Variants in SLC27A1 observed in about 807,000 individuals in gnomAD.
SLC27A1 encodes the protein long-chain fatty acid transport protein 1.
In SLC27A1, 61 loss-of-function variants were observed where a neutral mutation model predicts 62.2. The ratio of observed to expected loss-of-function variants is 0.98; its 90% CI spans 0.80 to 1.21. The LOEUF (loss-of-function observed/expected upper bound fraction) is 1.21. Ranked by LOEUF, SLC27A1 falls within the 50% of genes most tolerant of loss-of-function variation. The pLI, the probability that SLC27A1 is intolerant of heterozygous loss-of-function variation, is 0.00. For missense variants in SLC27A1, 903 were observed against 932.1 expected, an observed-to-expected ratio of 0.97 and a Z score of 0.41; for synonymous variants, 435 against 408.6, an observed-to-expected ratio of 1.06 and a Z score of -0.78.
At chr19:17,471,646 G>C (rs565232686) in intron 1 of SLC27A1, among the ~76,000 whole-genome samples, 1 of 152,160 alleles carries the variant, frequency 6.6e-6, no homozygotes, top group Non-Finnish European at 1.5e-5. Flanking sequence ...ACAGCTCCTT[G>C]TAAGATGGAG....
At chr19:17,480,541 C>CTTTT (rs3079223) in intron 1 of SLC27A1, among the ~76,000 whole-genome samples, 31,368 of 111,618 alleles carry the variant, frequency 0.28, 6,124 homozygotes, top group African/African-American at 0.37. Context: ...TAATTTTTTT[C>CTTTT]TTTTTTTTTT....
upstream of SLC27A1, among the ~76,000 whole-genome samples, chr19:17,469,724 G>A (rs1218781012): frequency 6.6e-6 from 1 of 151,652 alleles, no homozygotes; most frequent in South Asian, 2.1e-4. Context: ...CGGGGCCTAG[G>A]TCCTAGGGGG....
At chr19:17,483,041 GGAAT>G (rs769984129) in intron 1 of SLC27A1, among the ~76,000 whole-genome samples, 6 of 145,602 alleles carry the variant, frequency 4.1e-5, no homozygotes, top group Middle Eastern at 3.2e-3. Context: ...AGTGAAGGAG[GGAAT>G]GAATGAGGGA....
At chr19:17,504,078 G>C (rs183364043) in intron 11 of SLC27A1, among the ~76,000 whole-genome samples, 1 of 151,502 alleles carries the variant, frequency 6.6e-6, no homozygotes, top group Admixed American at 6.6e-5. Flanking sequence ...AGCCATTATT[G>C]TGCCCGGCCC....
intron 1 of SLC27A1, among the ~76,000 whole-genome samples, chr19:17,480,934 T>C (rs2075171524): frequency 6.6e-6 from 1 of 152,022 alleles, no homozygotes; most frequent in Admixed American, 6.6e-5. Flanking sequence ...ATTTCTTTTT[T>C]TTTTTTTTGA....
At chr19:17,479,904 A>C (rs539689719) in intron 1 of SLC27A1, among the ~76,000 whole-genome samples, 2 of 152,226 alleles carry the variant, frequency 1.3e-5, no homozygotes, top group Admixed American at 1.3e-4. Context: ...TTGGCCTCAC[A>C]AAGTGCTGGG....
chr19:17,488,826 C>T (rs2075264272), intron 4 of SLC27A1, 22 bp from the exon 5 acceptor site: 1 of 1,608,908 alleles, frequency 6.2e-7, no homozygotes, highest in South Asian at 1.1e-5. Context: ...CTCTGCCCTC[C>T]CGGCTCCCCC....
At chr19:17,470,760 G>C in intron 1 of SLC27A1, 53 bp downstream of exon 1, 2 of 1,504,218 alleles carry the variant, frequency 1.3e-6, no homozygotes, top group South Asian at 1.3e-5. Context: ...AGGGCTCTGG[G>C]GGCGCACGGT....
rs754485535 is a variant in SLC27A1, at chr19:17,500,370, G to T, written c.1299G>T (p.Arg433=). Residue 433 remains arginine, a synonymous_variant, in exon 8 of 12, where the codon CGG becomes CGT. Transcript: ENST00000252595. ...KVNEDTMELL[R]DAQGLCIPCQ... is the part of the protein sequence containing the mutation. ...ATGAGGACACAATGGAGCTGCTGCG[G>T]GATGCCCAGGGCCTCTGCATCCCCT... is the stretch of plus-strand genomic sequence containing the variant. 1.6e-5 allele frequency: 26 copies of T among 1,614,046 alleles called. No individual in the cohort carries two copies. The highest frequency in any genetic ancestry group is 2.1e-5 in the Non-Finnish European group (25 of 1,180,016).
intron 1 of SLC27A1, among the ~76,000 whole-genome samples, chr19:17,476,168 C>A (rs2075119803): frequency 6.6e-6 from 1 of 152,096 alleles, no homozygotes; most frequent in Non-Finnish European, 1.5e-5. Flanking sequence ...AACATTTGTA[C>A]CCCATCATGG....
intron 7 of SLC27A1, chr19:17,499,196 T>G (rs2075382134): frequency 5.0e-6 from 1 of 199,654 alleles, no homozygotes; most frequent in Non-Finnish European, 1.0e-5. Context: ...TAGACTAGAC[T>G]TCCCAGACGC....
At chr19:17,481,573 G>A (rs753545737) in intron 1 of SLC27A1, among the ~76,000 whole-genome samples, 3 of 152,118 alleles carry the variant, frequency 2.0e-5, no homozygotes, top group Admixed American at 6.6e-5. Flanking sequence ...ACACAATCTC[G>A]GTTCACTGCA....
Position 17,494,242 on chromosome 19 carries a change from C to T in SLC27A1, c.997-3013C>T, listed in dbSNP as rs1438776342. 4.0e-5 allele frequency among the ~76,000 whole-genome samples: 6 copies of T among 151,808 alleles called. No individual in the cohort carries two copies. In the East Asian group the frequency reaches 7.8e-4, roughly 20 times the overall value. ...GTTTCACGGTGTTAGCCAGGATGGT[C>T]TCGATCTCCTGACCTCATGATCTGC... On this transcript the variant is annotated intron_variant, in intron 6 of 11. Transcript: ENST00000252595.
rs149564729 is a variant in SLC27A1 at position 17,484,958 on chromosome 19, G to T, written c.168-1605G>T. ...GGCAGGTGGGTGGAGCCCCTGCCCT[G>T]TGTTGGTCAGGGCTGGGCAGGGCCA... On this transcript the variant is annotated intron_variant, in intron 1 of 11. Transcript: ENST00000252595. 3.1e-3 allele frequency among the ~76,000 whole-genome samples: 470 copies of T among 152,262 alleles called. 4 individuals carry two copies. The highest frequency in any genetic ancestry group is 0.011 in the African/African-American group (447 of 41,562).
In SLC27A1 at chr19:17,487,337, T is replaced by C; in HGVS notation, c.724+2T>C. ...AGATCCCCAGCAAGGGCATGGACGGTGAGTCAAGGGTGGGACCCCTGCTCT... is the reference window on the plus strand; with the variant it reads ...AGATCCCCAGCAAGGGCATGGACGGCGAGTCAAGGGTGGGACCCCTGCTCT... On this transcript the variant is annotated splice_donor_variant, in intron 3 of 11. Transcript: ENST00000252595. LOFTEE classifies it high-confidence loss of function. 6.2e-7 allele frequency: 1 copy of C among 1,607,066 alleles called. No homozygotes were observed. Among genetic ancestry groups the C allele is most frequent in the Non-Finnish European group, 8.5e-7 (1 of 1,177,394 alleles).
At chr19:17,469,128 G>C (rs1005908716), upstream of SLC27A1, 1 of 152,278 alleles carries the variant, frequency 6.6e-6, no homozygotes, top group African/African-American at 2.4e-5. Flanking sequence ...GAAGGATGGG[G>C]ACCTGGCGTG....
At position 17,504,598 on chromosome 19, in the gene SLC27A1, G is replaced by T; in HGVS notation, c.1927G>T (p.Ala643Ser). ...AGTCTACACTCGCATCTGCTCGGGC[G>T]CCTTCGCCCTCTGAAGCTGTTCCTC... ...EAVYTRICSG[A>S]FAL Residue 643 changes from alanine (A) to serine (S), a missense_variant, in exon 12 of 12, where the codon GCC becomes TCC. Transcript: ENST00000252595. The T allele has an allele frequency of 6.2e-7, 1 of 1,614,090 alleles. No homozygotes were observed. The highest frequency in any genetic ancestry group is 1.1e-5 in the South Asian group (1 of 91,086).
In SLC27A1 at chr19:17,489,248, T is replaced by TCCTCTCCCGGTCAGGC. The variant is rs2075271312; in HGVS notation, c.996+133_996+134insTCTCCCGGTCAGGCCC. The TCCTCTCCCGGTCAGGC allele has an allele frequency of 5.0e-5, 36 of 713,578 alleles. No individual in the cohort carries two copies. In the South Asian group the frequency reaches 6.1e-4, roughly 12 times the overall value. The allele number at this position is 713,578 out of a possible 1,614,324, so 44.2% of individuals were successfully genotyped here. Reference sequence around the variant, plus strand: ...AAAGCCCCACCTCCTCCTGGTCAGGTCCCGTCCTCTCCCAGCCAGGCCCCG... The same window carrying TCCTCTCCCGGTCAGGC: ...AAAGCCCCACCTCCTCCTGGTCAGGTCCTCTCCCGGTCAGGCCCCGTCCTCTCCCAGCCAGGCCCCG... On this transcript the variant is annotated intron_variant, in intron 6 of 11. Transcript: ENST00000252595.
In SLC27A1 at chr19:17,489,016, A is replaced by G. The variant is rs1282088975; in HGVS notation, c.895A>G (p.Ile299Val). ...AAGGCCACCCTCTGCAGGAAACATC[A>G]TCGGCGTGGGGCAGTGTCTCATCTA... ...LPLYHSAGNI[I>V]GVGQCLIYGL... Residue 299 changes from isoleucine to valine, a missense_variant, in exon 6 of 12, where the codon ATC becomes GTC. Physicochemically the swap from Ile to Val is conservative, Grantham distance 29. Coordinates refer to ENST00000252595, the MANE Select transcript of SLC27A1 (RefSeq NM_198580.3). 6.2e-7 allele frequency: 1 copy of G among 1,614,048 alleles called. No homozygotes were observed. Among genetic ancestry groups the G allele is most frequent in the South Asian group, 1.1e-5 (1 of 91,082 alleles).
Sources: allele counts gnomAD v4.1 joint callset (sites outside exome capture counted in the v4.1 genomes callset), GRCh38; gene constraint gnomAD v4.1.1; transcripts MANE v1.5; gene names NCBI Gene and HGNC (gene_info 2026-07-23, HGNC 2026-07-21).